Variants in RS1 observed in about 807,000 individuals in gnomAD.
The protein encoded by RS1 is retinoschisin 1, also known as retinoschisin.
In RS1, 2 loss-of-function variants were observed where a neutral mutation model predicts 20.8. That is an observed-to-expected ratio of 0.10 (90% CI 0.04 to 0.30). The LOEUF (loss-of-function observed/expected upper bound fraction) is 0.30, where lower values mean the gene tolerates loss of function less well. RS1 is among the 10% of genes least tolerant of loss of function. The pLI is 1.00. For synonymous variants in RS1, 70 were observed against 75.8 expected (o/e 0.92, Z 0.40); for missense variants, 151 against 189.8 (o/e 0.80, Z 1.20).
rs1927583093 is a variant in RS1 at position 18,641,782 on chromosome X, T to G, written c.*222A>C. 2 of 418,409 alleles carry G rather than the reference T, an allele frequency of 4.8e-6. No homozygotes were observed. Among genetic ancestry groups the G allele is most frequent in the South Asian group, 7.6e-5 (2 of 26,268 alleles). 34.5% of individuals were successfully genotyped at this position (418,409 alleles called of 1,213,427 possible). ...GAAAATTCGTTTCGGGGACATTTTC[T>G]TTGTTCTGACTTTCTCTGGCCCTGA... On this transcript the variant is annotated 3_prime_UTR_variant, in exon 6 of 6. Coordinates refer to ENST00000379984, the MANE Select transcript of RS1 (RefSeq NM_000330.4).
chrX:18,668,678 C>T (rs925890744), intron 1 of RS1, among the ~76,000 whole-genome samples: 7 of 112,808 alleles, frequency 6.2e-5, no homozygotes, highest in African/African-American at 1.9e-4. Flanking sequence ...CTGTTATCTG[C>T]ACATGCTTCA....
At chrX:18,662,547 C>A (rs1039730807) in intron 1 of RS1, among the ~76,000 whole-genome samples, 5 of 110,555 alleles carry the variant, frequency 4.5e-5, no homozygotes, top group African/African-American at 1.6e-4. Context: ...TGAGAACATG[C>A]GGTGTTTGGT....
chrX:18,640,906 C>T lies in RS1; in HGVS notation c.*1098G>A, dbSNP rs1376341027. On this transcript the variant is annotated 3_prime_UTR_variant, in exon 6 of 6. Transcript: ENST00000379984. ...AATGAGGCCTCCCAATCTAAGGCGCCGCCTCCAGGAACGGAAAGCCAGGCC... is the reference window on the plus strand; with the variant it reads ...AATGAGGCCTCCCAATCTAAGGCGCTGCCTCCAGGAACGGAAAGCCAGGCC... 8.9e-6 allele frequency: 1 copy of T among 112,911 alleles called. No homozygotes were observed. The highest frequency in any genetic ancestry group is 2.8e-4 in the East Asian group (1 of 3,561). 9.3% of individuals were successfully genotyped at this position (112,911 alleles called of 1,213,427 possible). A position where few individuals can be genotyped will look rare whatever the true frequency, so the allele number is the denominator to read the frequency against.
Position 18,641,942 on chromosome X carries a change from G to C in RS1, c.*62C>G. The C allele has an allele frequency of 4.4e-6, 5 of 1,139,448 alleles. No homozygotes were observed. Among genetic ancestry groups the C allele is most frequent in the Non-Finnish European group, 5.9e-6 (5 of 847,387 alleles). The allele number at this position is 1,139,448 out of a possible 1,213,427, so 93.9% of individuals were successfully genotyped here. On this transcript the variant is annotated 3_prime_UTR_variant, in exon 6 of 6. Coordinates refer to ENST00000379984, the MANE Select transcript of RS1 (RefSeq NM_000330.4). ...CTGTCCATCTCGGTGGTGTGTGAGG[G>C]GGTCCCCTACGGCCCGCTCTGTGCC...
At chrX:18,671,477 G>A (rs1212603024) in intron 1 of RS1, among the ~76,000 whole-genome samples, 1 of 111,737 alleles carries the variant, frequency 8.9e-6, no homozygotes, top group Non-Finnish European at 1.9e-5. Flanking sequence ...CTGAGTCTCC[G>A]AGGTTTCCTG....
chrX:18,641,811 G>T lies in RS1; in HGVS notation c.*193C>A. 1 of 440,716 alleles carries T rather than the reference G, an allele frequency of 2.3e-6. No individual in the cohort carries two copies. Among genetic ancestry groups the T allele is most frequent in the Non-Finnish European group, 3.9e-6 (1 of 257,063 alleles). The allele number at this position is 440,716 out of a possible 1,213,427, so 36.3% of individuals were successfully genotyped here. A position where few individuals can be genotyped will look rare whatever the true frequency, so the allele number is the denominator to read the frequency against. On this transcript the variant is annotated 3_prime_UTR_variant, in exon 6 of 6. Coordinates refer to ENST00000379984, the MANE Select transcript of RS1 (RefSeq NM_000330.4). ...TTCTGACTTTCTCTGGCCCTGAGTG[G>T]GGAATAAGTTCATTTTTATTTCATT...
chrX:18,643,329 C>T (rs1006601309), intron 5 of RS1, among the ~76,000 whole-genome samples: 2 of 111,392 alleles, frequency 1.8e-5, no homozygotes, highest in Non-Finnish European at 3.8e-5. Flanking sequence ...CGGGAAGGGC[C>T]TGGTCTGCCA....
chrX:18,662,752 T>C (rs1296228021), intron 1 of RS1, among the ~76,000 whole-genome samples: 8 of 109,051 alleles, frequency 7.3e-5, no homozygotes, highest in South Asian at 4.0e-4. Flanking sequence ...CTCAGCCTCT[T>C]AAGTAGCTGG....
intron 3 of RS1, chrX:18,653,386 C>T: frequency 8.3e-7 from 1 of 1,201,063 alleles, no homozygotes; most frequent in South Asian, 1.8e-5. Context: ...CCTGCTAGCG[C>T]TCCTGGCAGC....
chrX:18,656,511 A>T (rs1193025686), intron 3 of RS1, 142 bp downstream of exon 3: 2 of 555,563 alleles, frequency 3.6e-6, no homozygotes, highest in South Asian at 4.7e-5. Flanking sequence ...AATAAATAGT[A>T]ATAAATACAC....
intron 3 of RS1, chrX:18,650,509 T>C (rs1569231383): frequency 8.3e-7 from 1 of 1,211,842 alleles, no homozygotes; most frequent in Non-Finnish European, 1.1e-6. Flanking sequence ...CCCTATCCAG[T>C]ACTCCAGGTC....
At chrX:18,651,396 A>G (rs775092413) in intron 3 of RS1, among the ~76,000 whole-genome samples, 12 of 110,830 alleles carry the variant, frequency 1.1e-4, no homozygotes, top group Non-Finnish European at 2.3e-4. Context: ...GAATTAGCGC[A>G]TTGCCCAAGA....
At position 18,641,906 on chromosome X, in the gene RS1, G is replaced by T; in HGVS notation, c.*98C>A. On this transcript the variant is annotated 3_prime_UTR_variant, in exon 6 of 6. Coordinates refer to ENST00000379984, the MANE Select transcript of RS1 (RefSeq NM_000330.4). ...AGCACTGCAGTTACAATTGCTTTGC[G>T]AAATATAGCCCTGTCCATCTCGGTG... 6.1e-6 allele frequency: 6 copies of T among 982,281 alleles called. No homozygotes were observed. The highest frequency in any genetic ancestry group is 8.6e-6 in the Non-Finnish European group (6 of 697,736). 81.0% of individuals were successfully genotyped at this position (982,281 alleles called of 1,213,427 possible). A position where few individuals can be genotyped will look rare whatever the true frequency, so the allele number is the denominator to read the frequency against.
At chrX:18,646,223 G>C (rs112868120) in intron 4 of RS1, 1 of 1,011,037 alleles carries the variant, frequency 9.9e-7, no homozygotes, top group Non-Finnish European at 1.3e-6. Flanking sequence ...ACACAATCTC[G>C]GCTCACTGCA....
chrX:18,642,282 G>T (rs368749457), intron 5 of RS1, 126 bp from the exon 6 acceptor site: 4 of 718,832 alleles, frequency 5.6e-6, no homozygotes, highest in Admixed American at 2.5e-5. Context: ...AGCAGTTTGC[G>T]GGTGCCCCCC....
intron 1 of RS1, among the ~76,000 whole-genome samples, chrX:18,669,292 A>G (rs1198815255): frequency 1.8e-5 from 2 of 109,498 alleles, no homozygotes; most frequent in African/African-American, 6.6e-5. Context: ...GGAGTTCGAG[A>G]CCAGCCTGGC....
intron 3 of RS1, among the ~76,000 whole-genome samples, chrX:18,648,345 G>A (rs776414340): frequency 2.7e-5 from 3 of 110,517 alleles, no homozygotes; most frequent in South Asian, 3.9e-4. Flanking sequence ...GGGCTCAAGC[G>A]ATCCTGCCAC....
intron 1 of RS1, among the ~76,000 whole-genome samples, chrX:18,664,485 G>A (rs972919143): frequency 9.0e-6 from 1 of 111,008 alleles, no homozygotes; most frequent in Non-Finnish European, 1.9e-5. Flanking sequence ...AAAATTAGCC[G>A]GCCATGGTGG....
intron 5 of RS1, among the ~76,000 whole-genome samples, chrX:18,642,704 T>C (rs1429498468): frequency 8.9e-6 from 1 of 112,500 alleles, no homozygotes; most frequent in Non-Finnish European, 1.9e-5. Flanking sequence ...TTGATACAAG[T>C]GATGAGTACC....
Sources: allele counts gnomAD v4.1 joint callset (sites outside exome capture counted in the v4.1 genomes callset), GRCh38; gene constraint gnomAD v4.1.1; transcripts MANE v1.5; gene names NCBI Gene and HGNC (gene_info 2026-07-23, HGNC 2026-07-21).